EPB42: variants seen among roughly 807,000 people sequenced by gnomAD.
The protein encoded by EPB42 is erythrocyte membrane protein band 4.2.
A neutral mutation model predicts 76.9 loss-of-function variants in EPB42; 49 were observed. The observed-to-expected ratio is 0.64, with a 90% CI of 0.51 to 0.81. EPB42 has a LOEUF of 0.81. EPB42 is among the 30% of genes least tolerant of loss of function. EPB42 has a pLI of 0.00. For missense variants in EPB42, 731 were observed against 867.6 expected, an observed-to-expected ratio of 0.84 and a Z score of 1.98; for synonymous variants, 310 against 338.4, an observed-to-expected ratio of 0.92 and a Z score of 0.92.
rs763746600 is a variant in EPB42 at position 43,197,317 on chromosome 15, A to AG, written c.2060dup (p.Glu688Ter). ...AGCTGGAAGTTTAAGCTGATAGTTC[A>AG]GGGGCTACCACGGTGACGCTTTTAT... On this transcript the variant is annotated frameshift_variant, in exon 13 of 13. Coordinates refer to ENST00000441366, the MANE Select transcript of EPB42 (RefSeq NM_001114134.2). LOFTEE classifies it high-confidence loss of function. 11 of 1,614,232 alleles carry AG rather than the reference A, an allele frequency of 6.8e-6. No individual in the cohort carries two copies. The highest frequency in any genetic ancestry group is 9.3e-6 in the Non-Finnish European group (11 of 1,180,038).
At chr15:43,214,779 C>T (rs2042352902) in intron 3 of EPB42, among the ~76,000 whole-genome samples, 1 of 152,110 alleles carries the variant, frequency 6.6e-6, no homozygotes, top group African/African-American at 2.4e-5. Flanking sequence ...GGCAGCTTTC[C>T]CAGGGTCATC....
At chr15:43,200,704 G>C (rs1191841726) in intron 12 of EPB42, among the ~76,000 whole-genome samples, 1 of 152,146 alleles carries the variant, frequency 6.6e-6, no homozygotes, top group African/African-American at 2.4e-5. Context: ...GCTGCTGGAG[G>C]GAGTGGAGAC....
At position 43,201,929 on chromosome 15, in the gene EPB42, G is replaced by A; in HGVS notation, c.1828C>T (p.Leu610Phe). 6.2e-7 allele frequency: 1 copy of A among 1,614,200 alleles called. No individual in the cohort carries two copies. Among genetic ancestry groups the A allele is most frequent in the Non-Finnish European group, 8.5e-7 (1 of 1,180,032 alleles). The change falls in exon 12 of 13, where the codon CTC becomes TTC. Residue 610 changes from leucine (L) to phenylalanine (F), a missense_variant. Transcript: ENST00000441366. The stretch of plus-strand genomic sequence containing the variant: ...ATGGGGGCATCTAGGGAGTTCTGGA[G>A]GCTGACTGAGGCTGTGAGGGGTTGA... Reference protein sequence around the residue: ...QYQPLTASVSLQNSLDAPMED... With the variant: ...QYQPLTASVSFQNSLDAPMED...
intron 3 of EPB42, among the ~76,000 whole-genome samples, chr15:43,212,226 G>A (rs2042309365): frequency 1.3e-5 from 2 of 152,068 alleles, no homozygotes; most frequent in Admixed American, 1.3e-4. Context: ...AAAATTAGGT[G>A]GGTGTGGTGG....
upstream of EPB42, among the ~76,000 whole-genome samples, chr15:43,222,499 C>T (rs547067064): frequency 6.6e-6 from 1 of 152,318 alleles, no homozygotes; most frequent in East Asian, 1.9e-4. Flanking sequence ...TAGGACAACT[C>T]AACTTTATAA....
chr15:43,222,122 G>C, upstream of EPB42, among the ~76,000 whole-genome samples: 1 of 149,882 alleles, frequency 6.7e-6, no homozygotes. Context: ...CCAGCATGGA[G>C]CAAGACTCCA....
intron 7 of EPB42, 41 bp from the exon 8 acceptor site, chr15:43,208,374 C>T (rs562363586): frequency 2.6e-5 from 42 of 1,595,978 alleles, no homozygotes; most frequent in South Asian, 4.4e-5. Context: ...GGAAAGAAAA[C>T]GAGTGCTGAA....
intron 1 of EPB42, among the ~76,000 whole-genome samples, chr15:43,218,711 C>A (rs543771964): frequency 6.6e-6 from 1 of 152,344 alleles, no homozygotes; most frequent in South Asian, 2.1e-4. Flanking sequence ...ATCACAGGGG[C>A]CTCAGGCCCC....
chr15:43,215,944 G>A (rs927292726), intron 2 of EPB42, among the ~76,000 whole-genome samples: 2 of 152,116 alleles, frequency 1.3e-5, no homozygotes, highest in African/African-American at 4.8e-5. Flanking sequence ...CACCCGCCTC[G>A]GCCTCCCAAA....
upstream of EPB42, among the ~76,000 whole-genome samples, chr15:43,222,674 T>TTACATAATAA (rs2142337302): frequency 6.6e-6 from 1 of 152,362 alleles, no homozygotes; most frequent in South Asian, 2.1e-4. Flanking sequence ...CATAATATGA[T>TTACATAATAA]ATTACTGTAA....
intron 12 of EPB42, among the ~76,000 whole-genome samples, chr15:43,200,624 T>C (rs2042110944): frequency 6.6e-6 from 1 of 152,148 alleles, no homozygotes; most frequent in South Asian, 2.1e-4. Flanking sequence ...TTTATTGGAC[T>C]GGAAGAAAAT....
chr15:43,209,201 A>G, intron 6 of EPB42, 73 bp downstream of exon 6: 1 of 1,563,322 alleles, frequency 6.4e-7, no homozygotes, highest in Non-Finnish European at 8.8e-7. Context: ...GCTTTTGGAG[A>G]TGTCCTTCCC....
chr15:43,224,250 T>C (rs2042488405), upstream of EPB42, among the ~76,000 whole-genome samples: 1 of 152,224 alleles, frequency 6.6e-6, no homozygotes, highest in Non-Finnish European at 1.5e-5. Context: ...ACATCATTCC[T>C]ATTGGATTGA....
chr15:43,214,344 G>C (rs1027798300), intron 3 of EPB42, among the ~76,000 whole-genome samples: 2 of 152,074 alleles, frequency 1.3e-5, no homozygotes, highest in African/African-American at 4.8e-5. Flanking sequence ...GGCCACGGTT[G>C]GGGGGGCGGG....
At chr15:43,210,184 T>C in intron 5 of EPB42, 151 bp downstream of exon 5, 1 of 752,418 alleles carries the variant, frequency 1.3e-6, no homozygotes, top group Non-Finnish European at 2.4e-6. Context: ...TTTGTCCTCC[T>C]CGGACGCTTC....
intron 11 of EPB42, among the ~76,000 whole-genome samples, chr15:43,202,647 G>A (rs562291554): frequency 6.6e-6 from 1 of 152,296 alleles, no homozygotes; most frequent in South Asian, 2.1e-4. Context: ...ATTCATTTTG[G>A]CCAGGGTAGA....
At chr15:43,223,972 C>A (rs1001873940), upstream of EPB42, among the ~76,000 whole-genome samples, 2 of 151,768 alleles carry the variant, frequency 1.3e-5, no homozygotes, top group Non-Finnish European at 2.9e-5. Context: ...GACATTGTCT[C>A]AAAAAAATAG....
At chr15:43,204,664 A>G (rs2042173784) in intron 10 of EPB42, among the ~76,000 whole-genome samples, 2 of 152,110 alleles carry the variant, frequency 1.3e-5, no homozygotes, top group East Asian at 3.9e-4. Context: ...ACACATTCAC[A>G]AGCCCCATCT....
intron 8 of EPB42, 114 bp downstream of exon 8, chr15:43,208,116 T>C: frequency 1.2e-6 from 1 of 869,276 alleles, no homozygotes. Flanking sequence ...CTCGTGCTTC[T>C]ACTGTTTTCG....
Sources: allele counts gnomAD v4.1 joint callset (sites outside exome capture counted in the v4.1 genomes callset), GRCh38; gene constraint gnomAD v4.1.1; transcripts MANE v1.5; gene names NCBI Gene and HGNC (gene_info 2026-07-23, HGNC 2026-07-21).